Variants in KLRC3 observed in about 807,000 individuals in gnomAD.
The protein encoded by KLRC3 is killer cell lectin like receptor C3, also known as NKG2-E type II integral membrane protein.
In KLRC3, 16 loss-of-function variants were observed where a neutral mutation model predicts 23.6. The ratio of observed to expected loss-of-function variants is 0.68; its 90% CI spans 0.46 to 1.03. The LOEUF (loss-of-function observed/expected upper bound fraction) is 1.03. Among genes scored for constraint, KLRC3 ranks in the 50% least tolerant of loss-of-function variants. KLRC3 has a pLI of 0.00. For synonymous variants in KLRC3, 70 were observed against 71.8 expected, an observed-to-expected ratio of 0.98 and a Z score of 0.13; for missense variants, 209 against 232.2, an observed-to-expected ratio of 0.90 and a Z score of 0.65.
chr12:10,416,828 A>G (rs1194085283), intron 4 of KLRC3, 61 bp from the exon 5 acceptor site: 13 of 1,412,824 alleles, frequency 9.2e-6, no homozygotes, highest in Non-Finnish European at 1.2e-5. Context: ...CAAAAACAAT[A>G]TATTAAAGTT....
chr12:10,413,999 T>A (rs577366235), intron 6 of KLRC3, among the ~76,000 whole-genome samples: 19 of 152,302 alleles, frequency 1.2e-4, no homozygotes, highest in South Asian at 1.2e-3. Context: ...TAACAAATGC[T>A]TCCAGGTTAT....
At position 10,417,415 on chromosome 12, in the gene KLRC3, C is replaced by T. The variant is rs1241032155; in HGVS notation, c.487-648G>A. Among the ~76,000 whole-genome samples the T allele has an allele frequency of 2.6e-5, 4 of 152,036 alleles. No homozygotes were observed. In the East Asian group the frequency reaches 7.7e-4, roughly 29 times the overall value. On this transcript the variant is annotated intron_variant, in intron 4 of 6. Coordinates refer to ENST00000396439, the MANE Select transcript of KLRC3 (RefSeq NM_002261.3). ...GGGATCAACCAAGTGTCCGAGTGAG[C>T]ATGTTAAGTCCTCCACACGACAGAA...
rs1863591106 is a variant in KLRC3 at position 10,412,615 on chromosome 12, C to A, written c.680G>T (p.Arg227Ile). 5.7e-6 allele frequency: 4 copies of A among 700,678 alleles called. No homozygotes were observed. In the East Asian group the frequency reaches 1.1e-4, roughly 19 times the overall value. 43.4% of individuals were successfully genotyped at this position (700,678 alleles called of 1,614,324 possible). A position where few individuals can be genotyped will look rare whatever the true frequency, so the allele number is the denominator to read the frequency against. ...CCTGGTCAACATGATGAAACCCCGT[C>A]TCTACAAAAAAATACGAAAATTAGC... The part of the protein sequence containing the change: ...SDQCGSSRII[R>I]RGFIMLTRLV... The change falls in exon 7 of 7, where the codon AGA (arginine) becomes ATA (isoleucine). Residue 227 changes from arginine to isoleucine, a missense_variant and splice_region_variant. Arg to Ile is a moderately conservative substitution (Grantham distance 97). Coordinates refer to ENST00000396439, the MANE Select transcript of KLRC3 (RefSeq NM_002261.3).
At chr12:10,416,177 A>C (rs943330976) in intron 5 of KLRC3, among the ~76,000 whole-genome samples, 1 of 152,242 alleles carries the variant, frequency 6.6e-6, no homozygotes, top group African/African-American at 2.4e-5. Flanking sequence ...GATATTCTTA[A>C]GTAAAATAAG....
intron 4 of KLRC3, 103 bp downstream of exon 4, chr12:10,418,241 A>G: frequency 8.7e-7 from 1 of 1,146,130 alleles, no homozygotes; most frequent in Non-Finnish European, 1.2e-6. Flanking sequence ...ACACTTGAAA[A>G]TATATAAGCT....
intron 6 of KLRC3, among the ~76,000 whole-genome samples, chr12:10,413,533 G>A (rs2137854193): frequency 6.6e-6 from 1 of 152,224 alleles, no homozygotes; most frequent in East Asian, 1.9e-4. Context: ...ATGTATTGAA[G>A]AAATTCAGTT....
chr12:10,418,292 T>A, intron 4 of KLRC3, 52 bp downstream of exon 4: 1 of 1,498,248 alleles, frequency 6.7e-7, no homozygotes, highest in South Asian at 1.2e-5. Flanking sequence ...TACAAATGTA[T>A]TATTCACTGA....
At chr12:10,418,219 T>C in intron 4 of KLRC3, 125 bp downstream of exon 4, 3 of 936,334 alleles carry the variant, frequency 3.2e-6, no homozygotes, top group Non-Finnish European at 4.8e-6. Context: ...GTCAATCAAC[T>C]GAATAATGCA....
At chr12:10,418,717 C>T (rs1056571433) in intron 3 of KLRC3, among the ~76,000 whole-genome samples, 22 of 152,214 alleles carry the variant, frequency 1.4e-4, no homozygotes, top group Non-Finnish European at 2.6e-4. Flanking sequence ...ATAAAGCAAA[C>T]CAACAAACAA....
chr12:10,417,677 A>T (rs900754549), intron 4 of KLRC3, among the ~76,000 whole-genome samples: 1 of 152,170 alleles, frequency 6.6e-6, no homozygotes, highest in Admixed American at 6.5e-5. Context: ...CCAATGCACC[A>T]TCCAGGGTCC....
At chr12:10,415,847 G>A (rs1863634935) in intron 5 of KLRC3, 53 bp from the exon 6 acceptor site, 1 of 1,299,542 alleles carries the variant, frequency 7.7e-7, no homozygotes, top group African/African-American at 1.5e-5. Flanking sequence ...AATGACCCAT[G>A]AGACAAAAGC....
rs1250382647 is a variant in KLRC3 at position 10,416,786 on chromosome 12, T to C, written c.487-19A>G. On this transcript the variant is annotated intron_variant, in intron 4 of 6. Transcript: ENST00000396439. ...GAAATTTCTAAAAGAAAAGAAATAA[T>C]TTTCACTTAAATAATAATTATGAAA... is the stretch of plus-strand genomic sequence containing the variant. The C allele has an allele frequency of 6.5e-7, 1 of 1,540,466 alleles. No homozygotes were observed. Among genetic ancestry groups the C allele is most frequent in the Non-Finnish European group, 8.8e-7 (1 of 1,138,936 alleles).
rs768671913 is a variant in KLRC3, at chr12:10,416,702, T to A, written c.552A>T (p.Pro184=). 5.6e-6 allele frequency: 9 copies of A among 1,611,234 alleles called. No individual in the cohort carries two copies. The Admixed American group carries it at 1.2e-4, about 21-fold the overall frequency. Reference sequence around the variant, plus strand: ...AAGCCAAACCATTTATTGTCACCCATGGATGATGACTGCTGTTACGAAACA... The same window carrying A: ...AAGCCAAACCATTTATTGTCACCCAAGGATGATGACTGCTGTTACGAAACA... ...IGVFRNSSHH[P]WVTINGLAFK... is the part of the protein sequence containing the mutation. The change falls in exon 5 of 7, where the codon CCA becomes CCT. Residue 184 remains proline, a synonymous_variant. Coordinates refer to ENST00000396439, the MANE Select transcript of KLRC3 (RefSeq NM_002261.3).
chr12:10,415,148 C>A (rs1863622088), intron 6 of KLRC3, among the ~76,000 whole-genome samples: 1 of 152,132 alleles, frequency 6.6e-6, no homozygotes, highest in African/African-American at 2.4e-5. Flanking sequence ...CTCAAGCAAT[C>A]CCAGGACAGT....
At chr12:10,413,044 A>G (rs1159301051) in intron 6 of KLRC3, among the ~76,000 whole-genome samples, 1 of 152,188 alleles carries the variant, frequency 6.6e-6, no homozygotes, top group Non-Finnish European at 1.5e-5. Context: ...CCGCTAGCCA[A>G]GCTTGGCTAG....
chr12:10,417,685 TC>T (rs1294018352), intron 4 of KLRC3, among the ~76,000 whole-genome samples: 1 of 152,164 alleles, frequency 6.6e-6, no homozygotes, highest in Non-Finnish European at 1.5e-5. Flanking sequence ...CCATCCAGGG[TC>T]CTCTTTGCCC....
Position 10,418,745 on chromosome 12 carries a change from G to A in KLRC3, c.332-247C>T, listed in dbSNP as rs143670433. ...ACAAACAAAAATACACTCCACACAT[G>A]TCTTGAACCTCACTGATACACAACT... On this transcript the variant is annotated intron_variant, in intron 3 of 6. Transcript: ENST00000396439. Among the ~76,000 whole-genome samples, 12 of 152,142 alleles carry A rather than the reference G, an allele frequency of 7.9e-5. 1 individual carries two copies. In the East Asian group the frequency reaches 2.3e-3, roughly 29 times the overall value.
chr12:10,416,643 A>G, intron 5 of KLRC3, 24 bp downstream of exon 5: 2 of 1,599,158 alleles, frequency 1.3e-6, no homozygotes, highest in East Asian at 2.2e-5. Flanking sequence ...ATTTTTTTAT[A>G]TAGCACCCTA....
At chr12:10,420,260 T>C (rs1265289862) in intron 1 of KLRC3, 104 bp downstream of exon 1, 5 of 1,281,300 alleles carry the variant, frequency 3.9e-6, no homozygotes, top group Middle Eastern at 1.9e-4. Context: ...ATTTATGAAC[T>C]CTGATTCTCA....
Sources: gnomAD v4.1 joint callset for allele counts (sites outside exome capture counted in the v4.1 genomes callset) on GRCh38, gnomAD v4.1.1 for gene constraint, MANE v1.5 for transcripts, NCBI Gene and HGNC (gene_info 2026-07-23, HGNC 2026-07-21) for gene names.